Variants in CYFIP1 observed in about 807,000 individuals in gnomAD.
The protein encoded by CYFIP1 is cytoplasmic FMR1-interacting protein 1.
A neutral mutation model predicts 163.5 loss-of-function variants in CYFIP1; 58 were observed. The ratio of observed to expected loss-of-function variants is 0.35; its 90% CI spans 0.29 to 0.44. CYFIP1 has a LOEUF of 0.44. Among genes scored for constraint, CYFIP1 ranks in the 20% least tolerant of loss-of-function variants. The pLI, the probability that CYFIP1 is intolerant of heterozygous loss-of-function variation, is 1.00. For missense variants in CYFIP1, 1,338 were observed against 1,653.8 expected (o/e 0.81, Z 3.31); for synonymous variants, 663 against 660.7 (o/e 1.00, Z -0.05).
intron 18 of CYFIP1, among the ~76,000 whole-genome samples, chr15:22,911,148 C>A (rs950973641): frequency 2.6e-5 from 4 of 151,916 alleles, no homozygotes; most frequent in African/African-American, 9.7e-5. Flanking sequence ...TGCACTCCAG[C>A]CTCGGCGACA....
At chr15:22,972,501 A>G (rs2063136797) in intron 1 of CYFIP1, among the ~76,000 whole-genome samples, 1 of 152,222 alleles carries the variant, frequency 6.6e-6, no homozygotes, top group Non-Finnish European at 1.5e-5. Context: ...CTATTGTCAT[A>G]AACACAGACA....
At chr15:22,897,910 G>A (rs529719920) in intron 22 of CYFIP1, among the ~76,000 whole-genome samples, 167 of 152,322 alleles carry the variant, frequency 1.1e-3, no homozygotes, top group Admixed American at 3.1e-3. Flanking sequence ...CAAAGGCTAT[G>A]GGATGCCCAT....
intron 1 of CYFIP1, among the ~76,000 whole-genome samples, chr15:22,952,252 A>AG (rs1411232285): frequency 6.6e-6 from 1 of 152,116 alleles, no homozygotes; most frequent in African/African-American, 2.4e-5. Context: ...GTTGGTGTTT[A>AG]GTGGATACAG....
chr15:22,885,406 T>C (rs1933784900), intron 23 of CYFIP1, among the ~76,000 whole-genome samples: 1 of 152,176 alleles, frequency 6.6e-6, no homozygotes, highest in South Asian at 2.1e-4. Flanking sequence ...GCCTGCACTT[T>C]ATTGTCCATA....
intron 22 of CYFIP1, among the ~76,000 whole-genome samples, chr15:22,900,152 G>A (rs948706289): frequency 6.6e-5 from 10 of 152,118 alleles, no homozygotes; most frequent in Admixed American, 1.3e-4. Flanking sequence ...GGAGTAGCAG[G>A]GTAGGTCCTT....
chr15:22,910,592 C>T lies in CYFIP1; in HGVS notation c.2196G>A (p.Lys732=), dbSNP rs2060752750. 1.9e-6 allele frequency: 3 copies of T among 1,614,224 alleles called. No individual in the cohort carries two copies. The highest frequency in any genetic ancestry group is 2.5e-6 in the Non-Finnish European group (3 of 1,180,032). Residue 732 remains lysine, a synonymous_variant, in exon 20 of 31, where the codon AAG becomes AAA. Transcript: ENST00000617928. ...LLDKRLRSEC[K]NQGATIHLPP... ...GGAGGTGGATCGTGGCTCCCTGATTCTTGCATTCTGATCGTAACCGTTTAT... is the reference window on the plus strand; with the variant it reads ...GGAGGTGGATCGTGGCTCCCTGATTTTTGCATTCTGATCGTAACCGTTTAT...
chr15:22,917,563 T>G lies in CYFIP1; in HGVS notation c.1674+225A>C. On this transcript the variant is annotated intron_variant, in intron 15 of 30. Transcript: ENST00000617928. This position sits in a 1 kb window ranked among gnomAD's most constrained non-coding sequence, Gnocchi z 4.2. Reference sequence around the variant, plus strand: ...GGGAGTTGAAATGGAGTCAGACTCCTTTTTAGTGCACATGACACATCTGAC... The same window carrying G: ...GGGAGTTGAAATGGAGTCAGACTCCGTTTTAGTGCACATGACACATCTGAC... The G allele has an allele frequency of 3.4e-6, 2 of 592,330 alleles. No individual in the cohort carries two copies. The highest frequency in any genetic ancestry group is 2.8e-6 in the Non-Finnish European group (1 of 357,368). The allele number at this position is 592,330 out of a possible 1,614,324, so 36.7% of individuals were successfully genotyped here. A position where few individuals can be genotyped will look rare whatever the true frequency, so the allele number is the denominator to read the frequency against.
chr15:22,947,527 C>T (rs2062101670), intron 1 of CYFIP1, among the ~76,000 whole-genome samples: 1 of 152,112 alleles, frequency 6.6e-6, no homozygotes, highest in Non-Finnish European at 1.5e-5. Context: ...AACAGGCTCT[C>T]CTGGCCTCCA....
In CYFIP1 at chr15:22,900,397, TTC is replaced by T. The variant is rs1303031970; in HGVS notation, c.2588+3307_2588+3308del. Among the ~76,000 whole-genome samples, 3 of 144,512 alleles carry T rather than the reference TTC, an allele frequency of 2.1e-5. No homozygotes were observed. In the East Asian group the frequency reaches 6.1e-4, roughly 30 times the overall value. 94.8% of individuals were successfully genotyped at this position (144,512 alleles called of 152,430 possible). A position where few individuals can be genotyped will look rare whatever the true frequency, so the allele number is the denominator to read the frequency against. On this transcript the variant is annotated intron_variant, in intron 22 of 30. Transcript: ENST00000617928. ...AGAACCGTAAGAGAATAAATTTCTG[TTC>T]TTTTTTTTTTTTTTTTTGAGACGGA...
chr15:22,872,303 AAAAAAAAGAAAG>A (rs1195336598), intron 30 of CYFIP1, among the ~76,000 whole-genome samples: 2 of 151,960 alleles, frequency 1.3e-5, no homozygotes, highest in Non-Finnish European at 2.9e-5. Context: ...CAAAAAAAAA[AAAAAAAAGAAAG>A]AAAAAAGAAA....
chr15:22,875,890 A>ATATATATATATATG (rs1555395907), intron 26 of CYFIP1, among the ~76,000 whole-genome samples: 7 of 133,112 alleles, frequency 5.3e-5, no homozygotes, highest in African/African-American at 2.2e-4. Context: ...AATAACATAT[A>ATATATATATATATG]TATATATAAA....
chr15:22,886,885 T>C (rs931051737), intron 23 of CYFIP1, among the ~76,000 whole-genome samples: 1 of 152,202 alleles, frequency 6.6e-6, no homozygotes, highest in African/African-American at 2.4e-5. Flanking sequence ...AGAGTTGAAG[T>C]CCCCAACTGT....
At chr15:22,944,711 C>G (rs1019869975) in intron 4 of CYFIP1, 52 bp from the exon 5 acceptor site, 166 of 1,563,030 alleles carry the variant, frequency 1.1e-4, no homozygotes, top group Admixed American at 3.3e-4. Context: ...CAGCCAGAAG[C>G]AGCCGCTGGG....
chr15:22,959,239 C>T (rs532146235), intron 1 of CYFIP1, among the ~76,000 whole-genome samples: 46 of 152,308 alleles, frequency 3.0e-4, no homozygotes, highest in South Asian at 2.9e-3. Context: ...AAGGAGTGCT[C>T]CTCGACGACG....
chr15:22,934,564 C>T (rs2061652750), intron 9 of CYFIP1, among the ~76,000 whole-genome samples: 1 of 88,276 alleles, frequency 1.1e-5, no homozygotes, highest in South Asian at 3.7e-4. Context: ...GTGGCGTGAT[C>T]TTGGGTCACT....
At chr15:22,923,942 CAAAA>C (rs916058496) in intron 13 of CYFIP1, among the ~76,000 whole-genome samples, 19 of 61,816 alleles carry the variant, frequency 3.1e-4, no homozygotes, top group African/African-American at 1.2e-3. Context: ...ACCTTGTCTC[CAAAA>C]AAAAAAAAAA....
At chr15:22,933,005 G>C (rs749382680) in intron 10 of CYFIP1, among the ~76,000 whole-genome samples, 17 of 150,756 alleles carry the variant, frequency 1.1e-4, no homozygotes, top group South Asian at 2.1e-4. Flanking sequence ...GCTAATTTTT[G>C]TATTTTTTCA....
At chr15:22,883,439 G>A (rs1210356024) in intron 23 of CYFIP1, among the ~76,000 whole-genome samples, 1 of 152,178 alleles carries the variant, frequency 6.6e-6, no homozygotes, top group East Asian at 1.9e-4. Flanking sequence ...GAGTGGGAAG[G>A]CGAGGAAGGT....
At chr15:22,941,981 C>T (rs1386171583) in intron 6 of CYFIP1, among the ~76,000 whole-genome samples, 2 of 152,204 alleles carry the variant, frequency 1.3e-5, no homozygotes, top group Non-Finnish European at 2.9e-5. Flanking sequence ...CAGTGAGTCT[C>T]GATGCTAGAT....
Sources: allele counts gnomAD v4.1 joint callset (sites outside exome capture counted in the v4.1 genomes callset), GRCh38; gene constraint gnomAD v4.1.1; non-coding constraint Gnocchi (gnomAD v3.1); transcripts MANE v1.5; gene names NCBI Gene and HGNC (gene_info 2026-07-23, HGNC 2026-07-21).